Variants in TOM1L2 observed in about 807,000 individuals in gnomAD.
The protein encoded by TOM1L2 is TOM1-like protein 2.
A neutral mutation model predicts 67.9 loss-of-function variants in TOM1L2; 31 were observed. The observed-to-expected ratio is 0.46, with a 90% CI of 0.34 to 0.62. The LOEUF (loss-of-function observed/expected upper bound fraction) is 0.62, where lower values mean the gene tolerates loss of function less well. TOM1L2 is among the 20% of genes least tolerant of loss of function. The probability of loss-of-function intolerance (pLI) is 0.01; values close to 1 mark genes in which losing one functional copy is unlikely to be tolerated. For synonymous variants in TOM1L2, 256 were observed against 254.0 expected, an observed-to-expected ratio of 1.01 and a Z score of -0.07; for missense variants, 606 against 663.5, an observed-to-expected ratio of 0.91 and a Z score of 0.95.
chr17:17,911,208 G>A, intron 1 of TOM1L2, among the ~76,000 whole-genome samples: 1 of 152,300 alleles, frequency 6.6e-6, no homozygotes, highest in Non-Finnish European at 1.5e-5. Flanking sequence ...CCAGGCGAGA[G>A]AAAATGCCAT....
intron 1 of TOM1L2, among the ~76,000 whole-genome samples, chr17:17,920,075 G>A (rs909494581): frequency 6.6e-6 from 1 of 152,142 alleles, no homozygotes; most frequent in Non-Finnish European, 1.5e-5. Context: ...ACGGTCCAGA[G>A]TATTGGATGC....
chr17:17,913,126 A>T (rs1387715810), intron 1 of TOM1L2, among the ~76,000 whole-genome samples: 1 of 151,414 alleles, frequency 6.6e-6, no homozygotes, highest in East Asian at 1.9e-4. Context: ...CAGTGAGCCG[A>T]GATGGCAGCA....
chr17:17,900,771 G>A (rs1445124489), intron 2 of TOM1L2, among the ~76,000 whole-genome samples: 5 of 152,178 alleles, frequency 3.3e-5, no homozygotes, highest in Non-Finnish European at 5.9e-5. Context: ...GCTGATTTCT[G>A]CAAATATGGG....
chr17:17,860,634 G>A (rs1228210663), intron 12 of TOM1L2, among the ~76,000 whole-genome samples: 1 of 152,228 alleles, frequency 6.6e-6, no homozygotes, highest in Non-Finnish European at 1.5e-5. Context: ...TAGCCCAGCT[G>A]GGGGACCCAG....
chr17:17,887,781 C>T (rs1238825742), intron 4 of TOM1L2, among the ~76,000 whole-genome samples: 1 of 152,060 alleles, frequency 6.6e-6, no homozygotes, highest in East Asian at 1.9e-4. Flanking sequence ...CCAGCCCAGA[C>T]ACCTTTTGAA....
intron 1 of TOM1L2, among the ~76,000 whole-genome samples, chr17:17,963,596 G>A (rs1330034870): frequency 2.0e-5 from 3 of 152,202 alleles, no homozygotes; most frequent in African/African-American, 7.2e-5. Context: ...AGTATGCACA[G>A]CACTCAGCAA....
intron 1 of TOM1L2, among the ~76,000 whole-genome samples, chr17:17,910,607 T>C (rs552583160): frequency 4.6e-5 from 7 of 152,254 alleles, no homozygotes; most frequent in African/African-American, 1.7e-4. Context: ...TCTCACTCCA[T>C]TGTGCAGGCT....
chr17:17,882,918 C>T (rs1357240478), intron 5 of TOM1L2, 55 bp from the exon 6 acceptor site: 1 of 1,599,478 alleles, frequency 6.3e-7, no homozygotes, highest in Admixed American at 1.7e-5. Flanking sequence ...CATAGCTGGA[C>T]CTGGTACCTA....
intron 12 of TOM1L2, among the ~76,000 whole-genome samples, chr17:17,852,577 T>C (rs2036032828): frequency 6.6e-6 from 1 of 152,106 alleles, no homozygotes; most frequent in African/African-American, 2.4e-5. Flanking sequence ...TTAAGAATGT[T>C]GAATTGAGCA....
At chr17:17,931,414 C>A (rs1431636093) in intron 1 of TOM1L2, among the ~76,000 whole-genome samples, 1 of 152,200 alleles carries the variant, frequency 6.6e-6, no homozygotes. Context: ...TGCTTATATG[C>A]TGTGTGATCC....
At chr17:17,966,276 A>G (rs962180838) in intron 1 of TOM1L2, among the ~76,000 whole-genome samples, 2 of 152,206 alleles carry the variant, frequency 1.3e-5, no homozygotes, top group African/African-American at 4.8e-5. Context: ...AGATACCTAC[A>G]CACTGGGAAA....
At chr17:17,888,600 C>T (rs749841438) in intron 4 of TOM1L2, among the ~76,000 whole-genome samples, 30 of 152,304 alleles carry the variant, frequency 2.0e-4, no homozygotes, top group Non-Finnish European at 3.8e-4. Flanking sequence ...CAGGCTCTGA[C>T]GTCTTCAAAG....
intron 2 of TOM1L2, among the ~76,000 whole-genome samples, chr17:17,902,032 C>T (rs990554921): frequency 1.3e-5 from 2 of 152,062 alleles, no homozygotes; most frequent in African/African-American, 2.4e-5. Context: ...CAAAATTAGC[C>T]GGGCGTGGTG....
At chr17:17,879,572 G>A (rs940075403) in intron 7 of TOM1L2, 55 bp downstream of exon 7, 1 of 1,407,580 alleles carries the variant, frequency 7.1e-7, no homozygotes, top group African/African-American at 1.4e-5. Context: ...TCCTCCAACA[G>A]TGTACGGTGG....
At chr17:17,913,069 CG>C (rs2039465267) in intron 1 of TOM1L2, among the ~76,000 whole-genome samples, 1 of 151,530 alleles carries the variant, frequency 6.6e-6, no homozygotes, top group Admixed American at 6.6e-5. Context: ...TGCCTGCAAT[CG>C]CAGGCACTCG....
At chr17:17,910,766 G>A (rs773860151) in intron 1 of TOM1L2, among the ~76,000 whole-genome samples, 55 of 151,912 alleles carry the variant, frequency 3.6e-4, no homozygotes, top group Admixed American at 5.9e-4. Flanking sequence ...GATGGGTTTC[G>A]GCACGTTGGC....
At chr17:17,906,386 C>G (rs2039101862) in intron 2 of TOM1L2, among the ~76,000 whole-genome samples, 1 of 152,072 alleles carries the variant, frequency 6.6e-6, no homozygotes, top group Non-Finnish European at 1.5e-5. Context: ...ACCTTGGCCT[C>G]CCAAGGTGCT....
intron 1 of TOM1L2, among the ~76,000 whole-genome samples, chr17:17,913,641 T>C (rs2039503236): frequency 6.6e-6 from 1 of 152,230 alleles, no homozygotes; most frequent in Admixed American, 6.5e-5. Flanking sequence ...GCATTCTTTT[T>C]GGGTTGGTTC....
intron 1 of TOM1L2, among the ~76,000 whole-genome samples, chr17:17,970,880 T>C (rs2042044937): frequency 6.6e-6 from 1 of 152,166 alleles, no homozygotes. Flanking sequence ...GTTTTACCAG[T>C]CCTTCAACCA....
Sources: gnomAD v4.1 joint callset for allele counts (sites outside exome capture counted in the v4.1 genomes callset) on GRCh38, gnomAD v4.1.1 for gene constraint, MANE v1.5 for transcripts, NCBI Gene and HGNC (gene_info 2026-07-23, HGNC 2026-07-21) for gene names.